The following SRFBP1 variants were observed in gnomAD, a reference collection of about 807,000 sequenced individuals.
The protein encoded by SRFBP1 is serum response factor-binding protein 1.
A neutral mutation model predicts 45.5 loss-of-function variants in SRFBP1; 47 were observed. That is an observed-to-expected ratio of 1.03 (90% CI 0.82 to 1.32). The LOEUF is 1.32. Among genes scored for constraint, SRFBP1 ranks in the 40% most tolerant of loss-of-function variants. The pLI, the probability that SRFBP1 is intolerant of heterozygous loss-of-function variation, is 0.00. For missense variants in SRFBP1, 621 were observed against 484.6 expected (o/e 1.28, Z -2.64); for synonymous variants, 203 against 166.3 (o/e 1.22, Z -1.70).
intron 4 of SRFBP1, among the ~76,000 whole-genome samples, chr5:122,011,121 G>T (rs577055125): frequency 9.2e-5 from 14 of 152,212 alleles, no homozygotes; most frequent in African/African-American, 3.1e-4. Flanking sequence ...TCAAAGTACT[G>T]CTACTAGCAT....
intron 4 of SRFBP1, among the ~76,000 whole-genome samples, chr5:122,006,311 T>A (rs1006070849): frequency 6.6e-6 from 1 of 152,186 alleles, no homozygotes; most frequent in Non-Finnish European, 1.5e-5. Context: ...TTTCTCTTGC[T>A]ACTTTCAAGA....
chr5:122,013,443 A>G (rs770645886), intron 4 of SRFBP1, among the ~76,000 whole-genome samples: 16 of 152,142 alleles, frequency 1.1e-4, no homozygotes, highest in Non-Finnish European at 1.6e-4. Context: ...AATTCAACTC[A>G]GAAGTATGAA....
chr5:122,022,428 G>C, intron 7 of SRFBP1, 21 bp downstream of exon 7: 1 of 1,601,182 alleles, frequency 6.2e-7, no homozygotes, highest in Non-Finnish European at 8.5e-7. Context: ...ATAGTTGCCT[G>C]ACCTTCATAT....
At chr5:121,997,357 G>A (rs1233571582) in intron 4 of SRFBP1, among the ~76,000 whole-genome samples, 2 of 150,468 alleles carry the variant, frequency 1.3e-5, no homozygotes, top group East Asian at 3.9e-4. Context: ...CAGAAATAAC[G>A]CCGCATACCT....
intron 3 of SRFBP1, among the ~76,000 whole-genome samples, chr5:121,983,314 T>C (rs1752449925): frequency 1.3e-5 from 2 of 151,804 alleles, no homozygotes; most frequent in African/African-American, 4.8e-5. Context: ...AGAAGTGTTC[T>C]ATTTAGAATC....
chr5:121,976,436 C>G (rs1214729080), intron 3 of SRFBP1, among the ~76,000 whole-genome samples: 1 of 151,602 alleles, frequency 6.6e-6, no homozygotes, highest in Admixed American at 6.6e-5. Flanking sequence ...TCATTTGTGT[C>G]TCTGTGGTTT....
rs1753672364 is a variant in SRFBP1 at position 122,035,097 on chromosome 5, C to T, written n.311+12690C>T. ...TACCCTTTCACAAGTCACAGTGAGT[C>T]TTCACCTGTGTCCTGAGTGACAGTG... On this transcript the variant is annotated intron_variant and non_coding_transcript_variant, in intron 2 of 2. Transcript: ENST00000504881. Among the ~76,000 whole-genome samples the T allele has an allele frequency of 3.3e-5, 5 of 152,148 alleles. No homozygotes were observed. In the South Asian group the frequency reaches 8.3e-4, roughly 25 times the overall value.
intron 2 of SRFBP1, chr5:122,070,763 C>G: frequency 2.2e-6 from 1 of 462,754 alleles, no homozygotes; most frequent in Non-Finnish European, 3.8e-6. Context: ...CTTATAGCAC[C>G]TCCAGCTAAA....
chr5:122,034,655 C>T (rs893668068), intron 2 of SRFBP1, among the ~76,000 whole-genome samples: 1 of 151,406 alleles, frequency 6.6e-6, no homozygotes, highest in Admixed American at 6.6e-5. Context: ...ATTATTATAC[C>T]CTGTTCTCAC....
At chr5:122,017,097 C>T (rs558718235) in intron 4 of SRFBP1, among the ~76,000 whole-genome samples, 6 of 152,138 alleles carry the variant, frequency 3.9e-5, no homozygotes, top group South Asian at 4.2e-4. Context: ...AGCGTGGTGG[C>T]GGGTGCCTGT....
chr5:122,078,049 C>T (rs979668238), downstream of SRFBP1: 3 of 1,389,032 alleles, frequency 2.2e-6, no homozygotes, highest in East Asian at 2.8e-5. Context: ...AAAAACGGGG[C>T]TCAAATCACG....
At chr5:122,051,229 A>G (rs1022644251) in intron 2 of SRFBP1, among the ~76,000 whole-genome samples, 3 of 152,168 alleles carry the variant, frequency 2.0e-5, no homozygotes, top group Non-Finnish European at 2.9e-5. Context: ...AGAAGAATGT[A>G]TATTCTGTTG....
chr5:121,962,126 G>GAA, intron 1 of SRFBP1, 58 bp downstream of exon 1: 1 of 1,606,068 alleles, frequency 6.2e-7, no homozygotes, highest in Non-Finnish European at 8.5e-7. Flanking sequence ...CAGCTCTTTT[G>GAA]AGACGCGTGG....
chr5:122,020,897 G>A (rs1753302570), intron 6 of SRFBP1, 95 bp downstream of exon 6: 4 of 1,188,724 alleles, frequency 3.4e-6, no homozygotes, highest in Non-Finnish European at 4.6e-6. Context: ...TATAATTCTA[G>A]TTTGTACAAC....
At chr5:121,994,907 C>G (rs190393864) in intron 4 of SRFBP1, among the ~76,000 whole-genome samples, 97 of 152,128 alleles carry the variant, frequency 6.4e-4, no homozygotes, top group African/African-American at 2.1e-3. Flanking sequence ...TATGACATTT[C>G]ATGTATTATA....
intron 4 of SRFBP1, among the ~76,000 whole-genome samples, chr5:122,012,613 G>A (rs531228702): frequency 6.6e-6 from 1 of 152,112 alleles, no homozygotes; most frequent in East Asian, 1.9e-4. Flanking sequence ...ATACAAATTA[G>A]TTAAAAATAG....
intron 2 of SRFBP1, among the ~76,000 whole-genome samples, chr5:122,047,210 A>T (rs2152575957): frequency 6.6e-6 from 1 of 152,204 alleles, no homozygotes; most frequent in Admixed American, 6.5e-5. Context: ...ATCCATCTTG[A>T]ATTAATTTTT....
chr5:121,969,570 A>G (rs997539338), intron 1 of SRFBP1, among the ~76,000 whole-genome samples: 1 of 152,036 alleles, frequency 6.6e-6, no homozygotes, highest in African/African-American at 2.4e-5. Context: ...TATACTGTCT[A>G]TGCAAGAGAT....
rs144764651 is a variant in SRFBP1 at position 122,033,695 on chromosome 5, G to T, written n.311+11288G>T. 3.3e-3 allele frequency among the ~76,000 whole-genome samples: 497 copies of T among 151,876 alleles called. 2 individuals carry two copies. Among genetic ancestry groups the T allele is most frequent in the African/African-American group, 0.012 (481 of 41,382 alleles). ...GCTGGTCTCGAAATCCTGACCTCAG[G>T]TGATCTACCTGCCTCAGACTCCCAG... On this transcript the variant is annotated intron_variant and non_coding_transcript_variant, in intron 2 of 2. Transcript: ENST00000504881.
Sources: allele counts gnomAD v4.1 joint callset (sites outside exome capture counted in the v4.1 genomes callset), GRCh38; gene constraint gnomAD v4.1.1; transcripts MANE v1.5; gene names NCBI Gene and HGNC (gene_info 2026-07-23, HGNC 2026-07-21).